The following CD300LB variants were observed in gnomAD, a reference collection of about 807,000 sequenced individuals.
CD300LB encodes the protein CD300 molecule like family member b, also known as CMRF35-like molecule 7.
In CD300LB, 18 loss-of-function variants were observed where a neutral mutation model predicts 20.8. That is an observed-to-expected ratio of 0.87 (90% CI 0.60 to 1.28). The LOEUF (loss-of-function observed/expected upper bound fraction) is 1.28, where lower values mean the gene tolerates loss of function less well. Ranked by LOEUF, CD300LB falls within the 50% of genes most tolerant of loss-of-function variation. The pLI, the probability that CD300LB is intolerant of heterozygous loss-of-function variation, is 0.00. For synonymous variants in CD300LB, 91 were observed against 91.3 expected (o/e 1.00, Z 0.02); for missense variants, 222 against 251.8 (o/e 0.88, Z 0.80).
intron 1 of CD300LB, among the ~76,000 whole-genome samples, chr17:74,530,676 T>C (rs760527317): frequency 2.4e-4 from 37 of 152,172 alleles, no homozygotes; most frequent in Non-Finnish European, 3.2e-4. Flanking sequence ...CACAGCTTCG[T>C]GAGTCTTTCT....
chr17:74,527,223 G>C (rs1908062704), intron 1 of CD300LB, among the ~76,000 whole-genome samples: 1 of 152,344 alleles, frequency 6.6e-6, no homozygotes, highest in African/African-American at 2.4e-5. Flanking sequence ...ATGGCAGTCC[G>C]TGCCTCCGCT....
In CD300LB at chr17:74,525,960, A is replaced by G. The variant is rs756384831; in HGVS notation, c.158T>C (p.Val53Ala). ...ETYIKWWCRG[V>A]RWDTCKILIE... is the part of the protein sequence containing the mutation. ...GAGGATCTTGCATGTATCCCAGCGC[A>G]CCCCTCGGCACCACCACTTAATGTA... Residue 53 changes from valine to alanine, a missense_variant, in exon 2 of 4, where the codon GTG (valine) becomes GCG (alanine). By Grantham distance (64) the Val-to-Ala change is moderately conservative (BLOSUM62 0). Transcript: ENST00000392621. 18 of 1,613,502 alleles carry G rather than the reference A, an allele frequency of 1.1e-5. No homozygotes were observed. The highest frequency in any genetic ancestry group is 6.7e-5 in the Admixed American group (4 of 59,934).
intron 1 of CD300LB, among the ~76,000 whole-genome samples, chr17:74,528,793 T>C (rs900300192): frequency 6.6e-6 from 1 of 152,214 alleles, no homozygotes; most frequent in African/African-American, 2.4e-5. Context: ...TCCTTATTCA[T>C]AAGACAGTCA....
Position 74,525,853 on chromosome 17 carries a change from C to T in CD300LB, c.265G>A (p.Val89Met). 1 of 1,614,188 alleles carries T rather than the reference C, an allele frequency of 6.2e-7. No individual in the cohort carries two copies. The highest frequency in any genetic ancestry group is 8.5e-7 in the Non-Finnish European group (1 of 1,180,040). The change falls in exon 2 of 4, where the codon GTG (valine) becomes ATG (methionine). Residue 89 changes from valine (V) to methionine (M), a missense_variant. Transcript: ENST00000392621. ...TCTCGCCTGAGCCCCTCCATGGTCA[C>T]AGTGAACGTGCGGTCTTTCTGATTG... ...KDNQKDRTFT[V>M]TMEGLRRDDA...
In CD300LB at chr17:74,531,330, C is replaced by A. The variant is rs747821925; in HGVS notation, c.21G>T (p.Leu7=). The change falls in exon 1 of 4, where the codon CTG becomes CTT. Residue 7 remains leucine, a synonymous_variant. Coordinates refer to ENST00000392621, the MANE Select transcript of CD300LB (RefSeq NM_174892.4). The part of the protein sequence containing the change: MWLPPA[L]LLLSLSGCFS... ...ACTCACCTGAGAGGCTGAGAAGGAG[C>A]AGAGCAGGGGGCAGCCACATGGCTC... 3 of 1,600,038 alleles carry A rather than the reference C, an allele frequency of 1.9e-6. No homozygotes were observed. The highest frequency in any genetic ancestry group is 2.6e-6 in the Non-Finnish European group (3 of 1,173,310).
intron 1 of CD300LB, among the ~76,000 whole-genome samples, chr17:74,528,007 T>A (rs975754679): frequency 1.3e-5 from 2 of 151,780 alleles, no homozygotes; most frequent in African/African-American, 4.8e-5. Context: ...TATTGTGAAC[T>A]TCGTGTGTGA....
chr17:74,528,349 A>G (rs1389095131), intron 1 of CD300LB, among the ~76,000 whole-genome samples: 4 of 152,086 alleles, frequency 2.6e-5, no homozygotes, highest in Admixed American at 1.3e-4. Flanking sequence ...TTGCACCTCA[A>G]TTTTAACCAG....
intron 1 of CD300LB, among the ~76,000 whole-genome samples, chr17:74,528,865 C>G (rs917024446): frequency 6.6e-6 from 1 of 152,184 alleles, no homozygotes; most frequent in African/African-American, 2.4e-5. Context: ...GGCAAGGTGG[C>G]TCATGCCTGT....
chr17:74,523,244 C>T (rs1240355247), intron 3 of CD300LB: 1 of 509,980 alleles, frequency 2.0e-6, no homozygotes, highest in Non-Finnish European at 3.6e-6. Context: ...GTAAATCACC[C>T]TTCCTGTTCT....
In CD300LB at chr17:74,521,319, G is replaced by A. The variant is rs953192200; in HGVS notation, c.*1419C>T. On this transcript the variant is annotated 3_prime_UTR_variant, in exon 4 of 4. Coordinates refer to ENST00000392621, the MANE Select transcript of CD300LB (RefSeq NM_174892.4). ...CTTTGGCTTTCCCTCCCGCGGAGCGGTGCCGTCCTCCCTGGGTCTGGTCGG... is the reference window on the plus strand; with the variant it reads ...CTTTGGCTTTCCCTCCCGCGGAGCGATGCCGTCCTCCCTGGGTCTGGTCGG... 1.0e-6 allele frequency: 1 copy of A among 982,628 alleles called. No individual in the cohort carries two copies. The highest frequency in any genetic ancestry group is 1.2e-6 in the Non-Finnish European group (1 of 827,324). The allele number at this position is 982,628 out of a possible 1,614,324, so 60.9% of individuals were successfully genotyped here.
intron 1 of CD300LB, among the ~76,000 whole-genome samples, chr17:74,527,609 C>T (rs917182620): frequency 6.6e-6 from 1 of 152,192 alleles, no homozygotes; most frequent in African/African-American, 2.4e-5. Context: ...AAGTTAAGGA[C>T]CTTGAGACAG....
In CD300LB at chr17:74,522,625, C is replaced by G; in HGVS notation, c.*113G>C. Reference sequence around the variant, plus strand: ...CCAGCTCCAAGGCCAGGGCGGAGGCCCAGGGCCCCTATCTCAGTCACTGCA... The same window carrying G: ...CCAGCTCCAAGGCCAGGGCGGAGGCGCAGGGCCCCTATCTCAGTCACTGCA... On this transcript the variant is annotated 3_prime_UTR_variant, in exon 4 of 4. Coordinates refer to ENST00000392621, the MANE Select transcript of CD300LB (RefSeq NM_174892.4). The G allele has an allele frequency of 1.3e-6, 2 of 1,535,028 alleles. No individual in the cohort carries two copies. Among genetic ancestry groups the G allele is most frequent in the Admixed American group, 1.9e-5 (1 of 51,624 alleles).
rs760672318 is a variant in CD300LB at position 74,525,720 on chromosome 17, C to T, written c.370+28G>A. 25 of 1,598,134 alleles carry T rather than the reference C, an allele frequency of 1.6e-5. 1 individual carries two copies. Among genetic ancestry groups the T allele is most frequent in the Non-Finnish European group, 2.1e-5 (25 of 1,169,774 alleles). The stretch of plus-strand genomic sequence containing the variant: ...CTTTCCCAGCCCTGAGCTCCAGGGC[C>T]TCCTTGTGTAGATGAGAAAGTTCTT... On this transcript the variant is annotated intron_variant, in intron 2 of 3. Transcript: ENST00000392621.
chr17:74,524,084 G>A (rs1166716490), intron 2 of CD300LB, among the ~76,000 whole-genome samples: 2 of 152,126 alleles, frequency 1.3e-5, no homozygotes, highest in African/African-American at 4.8e-5. Flanking sequence ...AAGGGAAAGG[G>A]GACTCCAGAA....
chr17:74,531,191 C>T, intron 1 of CD300LB, 120 bp downstream of exon 1: 16 of 1,207,226 alleles, frequency 1.3e-5, no homozygotes, highest in South Asian at 1.6e-5. Flanking sequence ...CCCCAGTGCA[C>T]CTTTGTCGAA....
At chr17:74,531,032 T>C (rs912242606) in intron 1 of CD300LB, among the ~76,000 whole-genome samples, 10 of 152,206 alleles carry the variant, frequency 6.6e-5, no homozygotes, top group African/African-American at 2.4e-4. Context: ...CTTAAACGCC[T>C]GGACTCAAGC....
At chr17:74,530,383 A>C (rs1908166950) in intron 1 of CD300LB, among the ~76,000 whole-genome samples, 1 of 152,156 alleles carries the variant, frequency 6.6e-6, no homozygotes, top group Non-Finnish European at 1.5e-5. Context: ...TTTTTCTTTG[A>C]AAGTCTCAGC....
intron 2 of CD300LB, 121 bp downstream of exon 2, chr17:74,525,627 C>A: frequency 1.2e-6 from 1 of 841,712 alleles, no homozygotes. Context: ...GTCTGTCTCT[C>A]TCTCTCTCTC....
Position 74,522,267 on chromosome 17 carries a change from T to C in CD300LB, c.*471A>G. The C allele has an allele frequency of 1.0e-6, 1 of 986,976 alleles. No individual in the cohort carries two copies. The highest frequency in any genetic ancestry group is 1.2e-6 in the Non-Finnish European group (1 of 830,824). The allele number at this position is 986,976 out of a possible 1,614,324, so 61.1% of individuals were successfully genotyped here. A position where few individuals can be genotyped will look rare whatever the true frequency, so the allele number is the denominator to read the frequency against. Reference sequence around the variant, plus strand: ...TGTGTGTGGGATCAGAGAGGTTTCCTATGAACATAAGTCATTAAAACCCAA... The same window carrying C: ...TGTGTGTGGGATCAGAGAGGTTTCCCATGAACATAAGTCATTAAAACCCAA... On this transcript the variant is annotated 3_prime_UTR_variant, in exon 4 of 4. Coordinates refer to ENST00000392621, the MANE Select transcript of CD300LB (RefSeq NM_174892.4).
Sources: gnomAD v4.1 joint callset for allele counts (sites outside exome capture counted in the v4.1 genomes callset) on GRCh38, gnomAD v4.1.1 for gene constraint, MANE v1.5 for transcripts, NCBI Gene and HGNC (gene_info 2026-07-23, HGNC 2026-07-21) for gene names.